The following GFRAL variants were observed in gnomAD, a reference collection of about 807,000 sequenced individuals.
The protein encoded by GFRAL is GDNF family receptor alpha like, also known as GDNF family receptor alpha-like.
In GFRAL, 36 loss-of-function variants were observed where a neutral mutation model predicts 45.4. The observed-to-expected ratio is 0.79, with a 90% CI of 0.61 to 1.05. The LOEUF is 1.05. GFRAL is among the 50% of genes least tolerant of loss of function. The pLI is 0.00. For synonymous variants in GFRAL, 166 were observed against 154.1 expected, an observed-to-expected ratio of 1.08 and a Z score of -0.57; for missense variants, 507 against 467.5, an observed-to-expected ratio of 1.08 and a Z score of -0.78.
intron 6 of GFRAL, among the ~76,000 whole-genome samples, chr6:55,360,642 C>T (rs999003876): frequency 1.3e-5 from 2 of 151,896 alleles, no homozygotes; most frequent in Non-Finnish European, 2.9e-5. Context: ...CAACTGAAAT[C>T]ACGATACAGA....
intron 5 of GFRAL, among the ~76,000 whole-genome samples, chr6:55,357,255 G>T (rs912867426): frequency 2.0e-5 from 3 of 151,814 alleles, no homozygotes; most frequent in Non-Finnish European, 4.4e-5. Flanking sequence ...TTGATTTTCT[G>T]TCTGAATGAT....
intron 2 of GFRAL, among the ~76,000 whole-genome samples, chr6:55,332,148 C>G (rs114202071): frequency 0.013 from 1,988 of 152,002 alleles, 23 homozygotes; most frequent in Non-Finnish European, 0.022. Flanking sequence ...AACCATGGCA[C>G]TATTTTTTTT....
chr6:55,400,510 C>G (rs1427370092), intron 8 of GFRAL, among the ~76,000 whole-genome samples: 1 of 152,074 alleles, frequency 6.6e-6, no homozygotes, highest in Non-Finnish European at 1.5e-5. Context: ...ACGGTGATAC[C>G]AAGGGGTCAG....
chr6:55,336,327 C>T (rs1280583042), intron 3 of GFRAL, among the ~76,000 whole-genome samples: 1 of 152,154 alleles, frequency 6.6e-6, no homozygotes, highest in Non-Finnish European at 1.5e-5. Context: ...CTGAACTTAC[C>T]TTGAAATTAT....
At chr6:55,380,184 T>G (rs1370702093) in intron 6 of GFRAL, among the ~76,000 whole-genome samples, 1 of 151,966 alleles carries the variant, frequency 6.6e-6, no homozygotes, top group Non-Finnish European at 1.5e-5. Flanking sequence ...GTTTTAATTT[T>G]TAGAGGAAAC....
chr6:55,349,737 G>A (rs2127354801), intron 3 of GFRAL, among the ~76,000 whole-genome samples: 1 of 151,014 alleles, frequency 6.6e-6, no homozygotes, highest in Non-Finnish European at 1.5e-5. Context: ...CAGGGTGGGA[G>A]GTAGTGTTCA....
chr6:55,372,531 C>T (rs79678752), intron 6 of GFRAL, among the ~76,000 whole-genome samples: 4 of 152,302 alleles, frequency 2.6e-5, no homozygotes, highest in Non-Finnish European at 4.4e-5. Flanking sequence ...TAGCCTCTTT[C>T]CTACATGCAG....
chr6:55,348,341 G>A (rs957832758), intron 3 of GFRAL, among the ~76,000 whole-genome samples: 1 of 151,980 alleles, frequency 6.6e-6, no homozygotes, highest in African/African-American at 2.4e-5. Context: ...GTATTAAAAT[G>A]TAATACCTTC....
intron 6 of GFRAL, among the ~76,000 whole-genome samples, chr6:55,366,049 G>A (rs1396173117): frequency 1.5e-4 from 23 of 151,432 alleles, no homozygotes; most frequent in South Asian, 1.3e-3. Context: ...GGTAGAATTC[G>A]GCTGTGAATC....
intron 5 of GFRAL, among the ~76,000 whole-genome samples, chr6:55,356,134 T>A (rs1768191650): frequency 6.6e-6 from 1 of 151,984 alleles, no homozygotes; most frequent in Non-Finnish European, 1.5e-5. Context: ...AGGATTTTGT[T>A]GAGGATTTTT....
At chr6:55,365,731 C>T (rs1374945419) in intron 6 of GFRAL, among the ~76,000 whole-genome samples, 2 of 146,562 alleles carry the variant, frequency 1.4e-5, no homozygotes, top group African/African-American at 5.1e-5. Flanking sequence ...TGTTTATATG[C>T]TGGATTACAT....
At chr6:55,342,813 A>G (rs1242717897) in intron 3 of GFRAL, among the ~76,000 whole-genome samples, 6 of 152,170 alleles carry the variant, frequency 3.9e-5, no homozygotes, top group Non-Finnish European at 5.9e-5. Flanking sequence ...ATAGGCTCAA[A>G]ATAAAAGGAT....
At chr6:55,332,706 A>C (rs986125443) in intron 2 of GFRAL, among the ~76,000 whole-genome samples, 1 of 152,046 alleles carries the variant, frequency 6.6e-6, no homozygotes, top group African/African-American at 2.4e-5. Flanking sequence ...GCAGGCGTGC[A>C]CCACCGTGCC....
chr6:55,394,311 C>G (rs1347875601), intron 6 of GFRAL, among the ~76,000 whole-genome samples: 1 of 152,076 alleles, frequency 6.6e-6, no homozygotes, highest in Non-Finnish European at 1.5e-5. Flanking sequence ...TGAGATCACT[C>G]AGTAAGATTA....
In GFRAL at chr6:55,399,547, T is replaced by C. The variant is rs1768869513; in HGVS notation, c.1121+106T>C. On this transcript the variant is annotated intron_variant, in intron 8 of 8. Transcript: ENST00000340465. ...TTACAAAGAGCCTGAGAATGAAAGC[T>C]TCTCTGTTAAGACATATTAAATCAA... is the stretch of plus-strand genomic sequence containing the variant. 5 of 791,536 alleles carry C rather than the reference T, an allele frequency of 6.3e-6. No individual in the cohort carries two copies. The South Asian group carries it at 7.6e-5, about 12-fold the overall frequency. The allele number at this position is 791,536 out of a possible 1,614,324, so 49.0% of individuals were successfully genotyped here. A position where few individuals can be genotyped will look rare whatever the true frequency, so the allele number is the denominator to read the frequency against.
chr6:55,398,213 T>G (rs2127367547), intron 6 of GFRAL, among the ~76,000 whole-genome samples: 1 of 152,328 alleles, frequency 6.6e-6, no homozygotes, highest in South Asian at 2.1e-4. Flanking sequence ...TCATCGGATG[T>G]AATATCCCAC....
chr6:55,363,313 A>G (rs1157441728), intron 6 of GFRAL, among the ~76,000 whole-genome samples: 1 of 151,992 alleles, frequency 6.6e-6, no homozygotes, highest in East Asian at 1.9e-4. Flanking sequence ...CTTTACTCTG[A>G]TACACACACA....
At chr6:55,344,820 G>A (rs1325380960) in intron 3 of GFRAL, among the ~76,000 whole-genome samples, 1 of 152,160 alleles carries the variant, frequency 6.6e-6, no homozygotes, top group African/African-American at 2.4e-5. Flanking sequence ...ATCTCCTTAA[G>A]CTGATAAGCA....
Position 55,342,904 on chromosome 6 carries a change from A to C in GFRAL, c.317-7188A>C, listed in dbSNP as rs547645749. 4.6e-3 allele frequency among the ~76,000 whole-genome samples: 694 copies of C among 152,190 alleles called. 8 individuals carry two copies. Among genetic ancestry groups the C allele is most frequent in the African/African-American group, 0.01 (433 of 41,532 alleles). ...AGTCTCTGATAAAACAGACTTTAAA[A>C]CAACAAAGATCAAAAGAGAGAAAGA... On this transcript the variant is annotated intron_variant, in intron 3 of 8. Coordinates refer to ENST00000340465, the MANE Select transcript of GFRAL (RefSeq NM_207410.2).
Sources: gnomAD v4.1 joint callset for allele counts (sites outside exome capture counted in the v4.1 genomes callset) on GRCh38, gnomAD v4.1.1 for gene constraint, MANE v1.5 for transcripts, NCBI Gene and HGNC (gene_info 2026-07-23, HGNC 2026-07-21) for gene names.